The following C10orf90 variants were observed in gnomAD, a reference collection of about 807,000 sequenced individuals.
C10orf90 encodes chromosome 10 open reading frame 90.
Under a neutral mutation model 62.5 loss-of-function variants are expected in C10orf90, and 56 were observed. The ratio of observed to expected loss-of-function variants is 0.90; its 90% confidence interval spans 0.72 to 1.12. The LOEUF (loss-of-function observed/expected upper bound fraction) is 1.12. Ranked by LOEUF, C10orf90 falls within the 50% of genes most tolerant of loss-of-function variation. C10orf90 has a pLI of 0.00. For missense variants in C10orf90, 970 were observed against 880.4 expected (o/e 1.10, Z -1.29); for synonymous variants, 386 against 340.4 (o/e 1.13, Z -1.47).
At chr10:126,541,338 T>A (rs942944223) in intron 2 of C10orf90, among the ~76,000 whole-genome samples, 7 of 151,952 alleles carry the variant, frequency 4.6e-5, no homozygotes, top group African/African-American at 1.7e-4. Context: ...AATAAAATTT[T>A]AAAAAACATT....
intron 7 of C10orf90, among the ~76,000 whole-genome samples, chr10:126,431,484 C>T (rs989920929): frequency 1.3e-5 from 2 of 152,200 alleles, no homozygotes; most frequent in African/African-American, 2.4e-5. Flanking sequence ...CCAAGGGCCA[C>T]AGAAACATCC....
At position 126,604,811 on chromosome 10, in the gene C10orf90, A is replaced by G. The variant is rs375175315; in HGVS notation, c.313+41754T>C. 5.3e-5 allele frequency among the ~76,000 whole-genome samples: 8 copies of G among 152,356 alleles called. No individual in the cohort carries two copies. In the South Asian group the frequency reaches 1.2e-3, roughly 24 times the overall value. ...GGATCCATTTTAATAAGAGCTGACA[A>G]TTTAATCAGGTAAGATAAGGCCCAT... On this transcript the variant is annotated intron_variant, in intron 2 of 9. Transcript: ENST00000488181.
Position 126,504,125 on chromosome 10 carries a change from C to T in C10orf90, c.1366G>A (p.Ala456Thr), listed in dbSNP as rs1386226244. 5.0e-6 allele frequency: 8 copies of T among 1,614,102 alleles called. No individual in the cohort carries two copies. The highest frequency in any genetic ancestry group is 3.3e-5 in the South Asian group (3 of 91,060). Residue 456 changes from alanine to threonine, a missense_variant, in exon 4 of 10, where the codon GCT (alanine) becomes ACT (threonine). Ala to Thr is a moderately conservative substitution (Grantham distance 58, BLOSUM62 0). Transcript: ENST00000488181. This position sits in a 1 kb window ranked among gnomAD's most constrained non-coding sequence, Gnocchi z 4.1. ...SLRRVHLGTG[A>T]CPWSGSFPLE... ...GGAAAAGAACCACTCCAAGGACAAG[C>T]GCCGGTCCCCAAATGCACCCGCCTC...
intron 2 of C10orf90, among the ~76,000 whole-genome samples, chr10:126,574,189 G>A (rs1564878153): frequency 1.3e-5 from 2 of 152,140 alleles, no homozygotes; most frequent in Admixed American, 6.5e-5. Flanking sequence ...GGAATGTTGT[G>A]CATAGTCACA....
intron 2 of C10orf90, among the ~76,000 whole-genome samples, chr10:126,595,861 C>G (rs1383149093): frequency 6.6e-6 from 1 of 152,098 alleles, no homozygotes; most frequent in Non-Finnish European, 1.5e-5. Context: ...CCAGGTACCT[C>G]TTCTTGGGTG....
intron 7 of C10orf90, among the ~76,000 whole-genome samples, chr10:126,450,481 G>A (rs1859107585): frequency 1.3e-5 from 2 of 152,158 alleles, no homozygotes; most frequent in Non-Finnish European, 2.9e-5. Flanking sequence ...ACAGCATGGT[G>A]CTGGCATAAA....
chr10:126,620,866 A>G (rs529853225), intron 2 of C10orf90, among the ~76,000 whole-genome samples: 3 of 152,340 alleles, frequency 2.0e-5, no homozygotes, highest in East Asian at 3.9e-4. Context: ...AGGATGATCT[A>G]TAGTTCCAAC....
At chr10:126,666,469 G>C (rs549105084) in intron 1 of C10orf90, among the ~76,000 whole-genome samples, 3 of 152,234 alleles carry the variant, frequency 2.0e-5, no homozygotes, top group African/African-American at 7.2e-5. Context: ...AAATGATGCA[G>C]AAATAACAGA....
intron 3 of C10orf90, among the ~76,000 whole-genome samples, chr10:126,509,766 T>C (rs1256937954): frequency 6.6e-6 from 1 of 152,162 alleles, no homozygotes; most frequent in Non-Finnish European, 1.5e-5. Context: ...AGGACACTCT[T>C]GTATGGGAAG....
chr10:126,452,876 A>C (rs1282373292), intron 7 of C10orf90, among the ~76,000 whole-genome samples: 2 of 152,348 alleles, frequency 1.3e-5, no homozygotes, highest in East Asian at 3.9e-4. Flanking sequence ...TCTTGTGAGT[A>C]ATATCAGGAG....
chr10:126,655,366 A>G (rs1049455464), intron 1 of C10orf90, among the ~76,000 whole-genome samples: 5 of 152,182 alleles, frequency 3.3e-5, no homozygotes, highest in African/African-American at 1.2e-4. Context: ...ACAGATAACC[A>G]TAACAGATAT....
chr10:126,640,061 A>G (rs1480763457), intron 2 of C10orf90, among the ~76,000 whole-genome samples: 3 of 152,258 alleles, frequency 2.0e-5, no homozygotes, highest in Non-Finnish European at 4.4e-5. Flanking sequence ...AGCAGGCACA[A>G]CAGACTCAAA....
At chr10:126,608,249 C>T (rs1845356670) in intron 2 of C10orf90, among the ~76,000 whole-genome samples, 1 of 152,138 alleles carries the variant, frequency 6.6e-6, no homozygotes, top group South Asian at 2.1e-4. Context: ...GCTAGGACTA[C>T]AGGCACACAC....
intron 7 of C10orf90, among the ~76,000 whole-genome samples, chr10:126,449,630 C>G (rs1011489133): frequency 2.6e-5 from 4 of 152,012 alleles, no homozygotes. Flanking sequence ...TGTAGAAACC[C>G]CTAAAAACTC....
In C10orf90 at chr10:126,585,249, AAG is replaced by A. The variant is rs549711717; in HGVS notation, c.313+61314_313+61315del. 2.4e-3 allele frequency among the ~76,000 whole-genome samples: 363 copies of A among 151,470 alleles called. 2 individuals are homozygous for A. Among genetic ancestry groups the A allele is most frequent in the African/African-American group, 7.7e-3 (316 of 41,268 alleles). ...GAAGGAAGTTAGGAAAGAAGGAAGA[AAG>A]AGAGAGAGGAAAAGAAAGAAAGAAA... On this transcript the variant is annotated intron_variant, in intron 2 of 9. Transcript: ENST00000488181.
chr10:126,554,976 G>A (rs2133980974), intron 2 of C10orf90, among the ~76,000 whole-genome samples: 1 of 152,272 alleles, frequency 6.6e-6, no homozygotes, highest in Non-Finnish European at 1.5e-5. Context: ...GCCTTCCTCA[G>A]GAGTCTTTTA....
At chr10:126,459,674 C>T (rs575619403) in intron 6 of C10orf90, among the ~76,000 whole-genome samples, 3 of 152,294 alleles carry the variant, frequency 2.0e-5, no homozygotes, top group African/African-American at 4.8e-5. Flanking sequence ...ATCCACTCAG[C>T]GTGAAAAACG....
chr10:126,593,303 T>C (rs1276895930), intron 2 of C10orf90, among the ~76,000 whole-genome samples: 4 of 152,124 alleles, frequency 2.6e-5, no homozygotes, highest in South Asian at 2.1e-4. Context: ...CCATCAGTGA[T>C]AGAATGGATA....
intron 1 of C10orf90, among the ~76,000 whole-genome samples, chr10:126,655,140 G>A (rs1024582889): frequency 6.6e-6 from 1 of 152,108 alleles, no homozygotes; most frequent in Non-Finnish European, 1.5e-5. Flanking sequence ...TCAACATGGT[G>A]AAACCCCGTC....
Sources: allele counts gnomAD v4.1 joint callset (sites outside exome capture counted in the v4.1 genomes callset), GRCh38; gene constraint gnomAD v4.1.1; non-coding constraint Gnocchi (gnomAD v3.1); transcripts MANE v1.5; gene names NCBI Gene and HGNC (gene_info 2026-07-23, HGNC 2026-07-21).